Variants in TSPAN2 observed in about 807,000 individuals in gnomAD.
TSPAN2 encodes tetraspanin-2.
TSPAN2 carries 24 observed loss-of-function variants against 33.3 expected under a neutral mutation model. That is an observed-to-expected ratio of 0.72 (90% confidence interval 0.52 to 1.01). TSPAN2 has a LOEUF of 1.01. Among genes scored for constraint, TSPAN2 ranks in the 50% least tolerant of loss-of-function variants. TSPAN2 has a pLI of 0.00. For missense variants in TSPAN2, 278 were observed against 281.3 expected, an observed-to-expected ratio of 0.99 and a Z score of 0.08; for synonymous variants, 114 against 104.5, an observed-to-expected ratio of 1.09 and a Z score of -0.56.
rs1675258254 is a variant in TSPAN2 at position 115,049,723 on chromosome 1, AC to A, written c.*766del. 1 of 152,634 alleles carries A rather than the reference AC, an allele frequency of 6.6e-6. No homozygotes were observed. Among genetic ancestry groups the A allele is most frequent in the African/African-American group, 2.4e-5 (1 of 41,460 alleles). The allele number at this position is 152,634 out of a possible 1,614,324, so 9.5% of individuals were successfully genotyped here. A position where few individuals can be genotyped will look rare whatever the true frequency, so the allele number is the denominator to read the frequency against. Reference sequence around the variant, plus strand: ...AATATTTACATGTTTTTGTATAAGAACAAAAATATTTCCTTAAAAAGTTGTT... The same window carrying A: ...AATATTTACATGTTTTTGTATAAGAAAAAAATATTTCCTTAAAAAGTTGTT... On this transcript the variant is annotated 3_prime_UTR_variant, in exon 8 of 8. Transcript: ENST00000369516.
chr1:115,069,221 G>A (rs1232005757), intron 2 of TSPAN2, among the ~76,000 whole-genome samples: 1 of 152,130 alleles, frequency 6.6e-6, no homozygotes, highest in African/African-American at 2.4e-5. Flanking sequence ...CCCTGCTGTG[G>A]CCTGCTGTTT....
At position 115,048,833 on chromosome 1, in the gene TSPAN2, G is replaced by A. The variant is rs1675231930; in HGVS notation, c.*1657C>T. 1 of 152,104 alleles carries A rather than the reference G, an allele frequency of 6.6e-6. No homozygotes were observed. Among genetic ancestry groups the A allele is most frequent in the African/African-American group, 2.4e-5 (1 of 41,434 alleles). The allele number at this position is 152,104 out of a possible 1,614,324, so 9.4% of individuals were successfully genotyped here. On this transcript the variant is annotated 3_prime_UTR_variant, in exon 8 of 8. Coordinates refer to ENST00000369516, the MANE Select transcript of TSPAN2 (RefSeq NM_005725.6). ...CCATGTATAATTAAGTTTTTAGCTT[G>A]CCTCAAATATGACCTTTGTTCTTCT...
At chr1:115,064,404 T>C (rs1230418707) in intron 2 of TSPAN2, among the ~76,000 whole-genome samples, 1 of 152,212 alleles carries the variant, frequency 6.6e-6, no homozygotes. Context: ...ATGATGCCGT[T>C]TGCAGATCTA....
chr1:115,066,617 C>T (rs1439231687), intron 2 of TSPAN2, among the ~76,000 whole-genome samples: 9 of 152,160 alleles, frequency 5.9e-5, no homozygotes, highest in Non-Finnish European at 1.2e-4. Flanking sequence ...AGGGACTGGA[C>T]GTGGTCATCA....
intron 7 of TSPAN2, among the ~76,000 whole-genome samples, chr1:115,053,076 GA>G (rs1647253053): frequency 6.6e-6 from 1 of 152,146 alleles, no homozygotes; most frequent in Admixed American, 6.5e-5. Context: ...ACAGTAGAAA[GA>G]GACCCAGAAC....
chr1:115,053,519 C>T (rs900733277), intron 6 of TSPAN2, 57 bp from the exon 7 acceptor site: 80 of 1,419,334 alleles, frequency 5.6e-5, no homozygotes, highest in South Asian at 4.7e-4. Context: ...CAGTCATTAT[C>T]CTGATCCTAT....
At chr1:115,081,997 A>T (rs927496258) in intron 1 of TSPAN2, among the ~76,000 whole-genome samples, 2 of 152,172 alleles carry the variant, frequency 1.3e-5, no homozygotes, top group Non-Finnish European at 2.9e-5. Flanking sequence ...AAGACCCCAT[A>T]AGAGAAAAAT....
chr1:115,065,416 C>T (rs893794879), intron 2 of TSPAN2, among the ~76,000 whole-genome samples: 14 of 152,138 alleles, frequency 9.2e-5, no homozygotes, highest in African/African-American at 2.7e-4. Context: ...GACAAACATA[C>T]GACCTACTTC....
In TSPAN2 at chr1:115,084,676, T is replaced by C. The variant is rs1570987000; in HGVS notation, c.69+4688A>G. Among the ~76,000 whole-genome samples, 3 of 152,348 alleles carry C rather than the reference T, an allele frequency of 2.0e-5. No individual in the cohort carries two copies. The South Asian group carries it at 6.2e-4, about 32-fold the overall frequency. ...GGGCTGGTCTCCAAAGAATACTTTC[T>C]TTAGGTATTTTTTCCTAAACCAATG... On this transcript the variant is annotated intron_variant, in intron 1 of 7. Coordinates refer to ENST00000369516, the MANE Select transcript of TSPAN2 (RefSeq NM_005725.6).
intron 1 of TSPAN2, among the ~76,000 whole-genome samples, chr1:115,079,231 G>GT (rs1648533112): frequency 6.6e-6 from 1 of 152,002 alleles, no homozygotes; most frequent in South Asian, 2.1e-4. Flanking sequence ...CTTCTCCAGG[G>GT]TGAATACCAA....
At chr1:115,070,462 AC>A (rs1299881225) in intron 2 of TSPAN2, among the ~76,000 whole-genome samples, 8 of 142,492 alleles carry the variant, frequency 5.6e-5, no homozygotes, top group African/African-American at 2.1e-4. Flanking sequence ...ATCATACCCT[AC>A]CCCCGGCCCC....
chr1:115,077,685 A>G (rs986214800), intron 1 of TSPAN2, among the ~76,000 whole-genome samples: 2 of 152,372 alleles, frequency 1.3e-5, no homozygotes, highest in South Asian at 2.1e-4. Context: ...ATAGATTTCA[A>G]TTTTATTTTA....
At chr1:115,073,141 G>A (rs1648252160) in intron 1 of TSPAN2, 134 bp from the exon 2 acceptor site, 1 of 730,344 alleles carries the variant, frequency 1.4e-6, no homozygotes, top group Non-Finnish European at 2.4e-6. Flanking sequence ...CCATTTTATA[G>A]GGGAGAAAAT....
intron 7 of TSPAN2, among the ~76,000 whole-genome samples, chr1:115,051,153 T>C (rs191108034): frequency 6.6e-6 from 1 of 152,018 alleles, no homozygotes; most frequent in East Asian, 1.9e-4. Context: ...CTACAAAAAA[T>C]ACAAAAATTA....
intron 6 of TSPAN2, among the ~76,000 whole-genome samples, chr1:115,055,885 A>G (rs999554781): frequency 1.3e-5 from 2 of 152,206 alleles, no homozygotes; most frequent in African/African-American, 2.4e-5. Flanking sequence ...ATTGCCACAT[A>G]TTAAGGGTCT....
chr1:115,054,093 A>G (rs1647289512), intron 6 of TSPAN2, among the ~76,000 whole-genome samples: 1 of 152,156 alleles, frequency 6.6e-6, no homozygotes, highest in Non-Finnish European at 1.5e-5. Flanking sequence ...AAGGGCCTTC[A>G]TGGATGTGGG....
intron 1 of TSPAN2, among the ~76,000 whole-genome samples, chr1:115,076,111 T>G (rs1281487830): frequency 5.9e-5 from 9 of 152,176 alleles, no homozygotes; most frequent in Admixed American, 5.2e-4. Context: ...TGGAGCAAAC[T>G]GTAGCCACTG....
chr1:115,063,300 C>T lies in TSPAN2; in HGVS notation c.173-1068G>A, dbSNP rs141917760. 5.8e-3 allele frequency among the ~76,000 whole-genome samples: 885 copies of T among 152,242 alleles called. 9 individuals carry two copies. The highest frequency in any genetic ancestry group is 0.02 in the African/African-American group (825 of 41,526). On this transcript the variant is annotated intron_variant, in intron 2 of 7. Coordinates refer to ENST00000369516, the MANE Select transcript of TSPAN2 (RefSeq NM_005725.6). ...CAATTCTCCAAAGAAGACATGCAAG[C>T]GAGCAACAAACATGAAATAATGCTC... is the stretch of plus-strand genomic sequence containing the variant.
rs1488719499 is a variant in TSPAN2, at chr1:115,053,483, C to T, written c.517-21G>A. The T allele has an allele frequency of 4.2e-5, 68 of 1,609,084 alleles. 1 individual carries two copies. In the South Asian group the frequency reaches 4.4e-4, roughly 10 times the overall value. ...CAATTCTGTTTTGAGGAAAAAAAGT[C>T]GGGAATAAAAACTGATTGTATGTGT... On this transcript the variant is annotated intron_variant, in intron 6 of 7. Coordinates refer to ENST00000369516, the MANE Select transcript of TSPAN2 (RefSeq NM_005725.6).
Sources: allele counts gnomAD v4.1 joint callset (sites outside exome capture counted in the v4.1 genomes callset), GRCh38; gene constraint gnomAD v4.1.1; transcripts MANE v1.5; gene names NCBI Gene and HGNC (gene_info 2026-07-23, HGNC 2026-07-21).